Variants in ALDH1L1 observed in about 807,000 individuals in gnomAD.
The protein encoded by ALDH1L1 is aldehyde dehydrogenase 1 family member L1, also known as cytosolic 10-formyltetrahydrofolate dehydrogenase.
Under a neutral mutation model 101.1 loss-of-function variants are expected in ALDH1L1, and 68 were observed. The observed-to-expected ratio is 0.67, with a 90% CI of 0.55 to 0.82. ALDH1L1 has a LOEUF of 0.82. Among genes scored for constraint, ALDH1L1 ranks in the 40% least tolerant of loss-of-function variants. The probability of loss-of-function intolerance (pLI) is 0.00; values close to 1 mark genes in which losing one functional copy is unlikely to be tolerated. For synonymous variants in ALDH1L1, 486 were observed against 470.8 expected (o/e 1.03, Z -0.42); for missense variants, 1,087 against 1,172.7 (o/e 0.93, Z 1.07).
intron 17 of ALDH1L1, among the ~76,000 whole-genome samples, chr3:126,116,684 A>C (rs1170825240): frequency 6.6e-6 from 1 of 151,920 alleles, no homozygotes; most frequent in Non-Finnish European, 1.5e-5. Context: ...GCCAAAACCC[A>C]CCCCCAGAAG....
Position 126,158,468 on chromosome 3 carries a change from T to C in ALDH1L1, c.299A>G (p.His100Arg), listed in dbSNP as rs1343932127. ...TGACGGGTGATAGATGATGGAGCCA[T>C]GCCGGGGGGCACTGATTATCTCCAT... The part of the protein sequence containing the change: ...IPMEIISAPR[H>R]GSIIYHPSLL... The change falls in exon 3 of 23, where the codon CAT becomes CGT. Residue 100 changes from histidine to arginine, a missense_variant. Around this residue, in one of 2 missense-constraint regions of ALDH1L1, gnomAD observed 645 missense variants for 637.0 expected, o/e 1.01. Coordinates refer to ENST00000393434, the MANE Select transcript of ALDH1L1 (RefSeq NM_012190.4). The C allele has an allele frequency of 6.2e-7, 1 of 1,613,690 alleles. No individual in the cohort carries two copies. The highest frequency in any genetic ancestry group is 8.5e-7 in the Non-Finnish European group (1 of 1,179,854).
intron 9 of ALDH1L1, among the ~76,000 whole-genome samples, chr3:126,142,019 T>C (rs550305573): frequency 6.6e-6 from 1 of 152,116 alleles, no homozygotes; most frequent in Non-Finnish European, 1.5e-5. Context: ...AGGGAGACAT[T>C]ATACCAATCT....
chr3:126,127,018 G>A (rs1304901052), intron 14 of ALDH1L1, among the ~76,000 whole-genome samples: 1 of 152,190 alleles, frequency 6.6e-6, no homozygotes, highest in East Asian at 1.9e-4. Flanking sequence ...CCAGAAGAGA[G>A]GTCAGGACAG....
Position 126,187,716 on chromosome 3 carries a change from G to A in ALDH1L1, c.-24+10019C>T, listed in dbSNP as rs147570455. Among the ~76,000 whole-genome samples the A allele has an allele frequency of 7.9e-5, 12 of 152,248 alleles. No homozygotes were observed. In the East Asian group the frequency reaches 2.1e-3, roughly 27 times the overall value. On this transcript the variant is annotated intron_variant, in intron 1 of 2. Transcript: ENST00000509952. ...AATCAAAGGGCAGTCTTGGACTGCA[G>A]ATTCTGAGCTGGACGAGGAAAATGC...
chr3:126,115,196 G>C (rs1440402848), intron 17 of ALDH1L1: 2 of 408,538 alleles, frequency 4.9e-6, no homozygotes, highest in Middle Eastern at 3.5e-4. Flanking sequence ...AGAGGCTGGG[G>C]CACCTCCTTG....
At chr3:126,195,082 A>T (rs1383363444) in intron 1 of ALDH1L1, among the ~76,000 whole-genome samples, 1 of 151,944 alleles carries the variant, frequency 6.6e-6, no homozygotes, top group Non-Finnish European at 1.5e-5. Context: ...TTCTTTGCAT[A>T]GCCAAGATGC....
At chr3:126,186,738 C>T (rs2081520924) in intron 1 of ALDH1L1, among the ~76,000 whole-genome samples, 1 of 152,312 alleles carries the variant, frequency 6.6e-6, no homozygotes, top group South Asian at 2.1e-4. Flanking sequence ...GGTCAGACTC[C>T]AAGCACCAGG....
At chr3:126,120,006 G>T (rs947942547) in intron 16 of ALDH1L1, among the ~76,000 whole-genome samples, 3 of 152,246 alleles carry the variant, frequency 2.0e-5, no homozygotes, top group African/African-American at 7.2e-5. Context: ...TGGAGCAACA[G>T]GAACTCTCAG....
chr3:126,127,723 T>C (rs2080218706), intron 14 of ALDH1L1, among the ~76,000 whole-genome samples: 1 of 152,160 alleles, frequency 6.6e-6, no homozygotes, highest in African/African-American at 2.4e-5. Context: ...CCCCTTACCC[T>C]GGCCAGGCCC....
intron 1 of ALDH1L1, among the ~76,000 whole-genome samples, chr3:126,189,867 T>A (rs570079991): frequency 6.6e-6 from 1 of 152,336 alleles, no homozygotes; most frequent in Non-Finnish European, 1.5e-5. Flanking sequence ...CCAATGGTAG[T>A]GCCTTTGGCC....
intron 8 of ALDH1L1, among the ~76,000 whole-genome samples, chr3:126,149,224 G>A (rs10934749): frequency 0.41 from 63,116 of 152,094 alleles, 13,650 homozygotes; most frequent in East Asian, 0.58. Flanking sequence ...ATGCTTAGAC[G>A]TATTGCCGAT....
chr3:126,177,565 G>T (rs1414647485), intron 1 of ALDH1L1, among the ~76,000 whole-genome samples: 1 of 152,148 alleles, frequency 6.6e-6, no homozygotes, highest in Non-Finnish European at 1.5e-5. Context: ...GGGTTGGGGG[G>T]TGGATGGGTA....
chr3:126,107,309 C>T (rs1200523656), intron 20 of ALDH1L1, 63 bp from the exon 21 acceptor site: 31 of 1,398,990 alleles, frequency 2.2e-5, no homozygotes, highest in African/African-American at 2.8e-5. Flanking sequence ...CCAGCCTCTC[C>T]GTCAGCAGGG....
intron 1 of ALDH1L1, among the ~76,000 whole-genome samples, chr3:126,172,095 A>T (rs1225277797): frequency 6.6e-6 from 1 of 152,246 alleles, no homozygotes; most frequent in Non-Finnish European, 1.5e-5. Flanking sequence ...TCTAACTCCT[A>T]GACAGGTAAA....
chr3:126,174,636 A>G (rs1350721385), intron 1 of ALDH1L1, among the ~76,000 whole-genome samples: 1 of 152,212 alleles, frequency 6.6e-6, no homozygotes, highest in Non-Finnish European at 1.5e-5. Context: ...TAAATGACAC[A>G]CTTCTAAACA....
chr3:126,106,641 G>A (rs376782951), intron 21 of ALDH1L1, among the ~76,000 whole-genome samples: 103 of 152,212 alleles, frequency 6.8e-4, no homozygotes, highest in African/African-American at 2.0e-3. Flanking sequence ...CAGGTGCCTC[G>A]GCAACCCCGA....
intron 1 of ALDH1L1, among the ~76,000 whole-genome samples, chr3:126,187,518 G>T (rs1363526980): frequency 6.6e-6 from 1 of 152,162 alleles, no homozygotes; most frequent in Non-Finnish European, 1.5e-5. Flanking sequence ...ATTGGGGAAT[G>T]GGAGAGCGGT....
At chr3:126,155,552 C>T (rs776298563) in intron 4 of ALDH1L1, 49 bp from the exon 5 acceptor site, 1 of 1,520,476 alleles carries the variant, frequency 6.6e-7, no homozygotes. Flanking sequence ...ACCCTGCCTC[C>T]TTCCCAGCCC....
intron 1 of ALDH1L1, among the ~76,000 whole-genome samples, chr3:126,193,740 A>G (rs1247110670): frequency 2.0e-5 from 3 of 152,238 alleles, no homozygotes; most frequent in Non-Finnish European, 4.4e-5. Flanking sequence ...ATGGGTCATA[A>G]TAGGCAATTT....
Sources: allele counts gnomAD v4.1 joint callset (sites outside exome capture counted in the v4.1 genomes callset), GRCh38; gene constraint gnomAD v4.1.1; regional missense constraint gnomAD v4.1.1; transcripts MANE v1.5; gene names NCBI Gene and HGNC (gene_info 2026-07-23, HGNC 2026-07-21).